Variants in PTPN13 observed in about 807,000 individuals in gnomAD.
PTPN13 encodes the protein protein tyrosine phosphatase non-receptor type 13, also known as tyrosine-protein phosphatase non-receptor type 13.
A neutral mutation model predicts 284.0 loss-of-function variants in PTPN13; 191 were observed. That is an observed-to-expected ratio of 0.67 (90% CI 0.60 to 0.76). PTPN13 has a LOEUF of 0.76. Ranked by LOEUF, PTPN13 falls within the 30% of genes least tolerant of loss-of-function variation. The pLI is 0.00. For missense variants in PTPN13, 2,797 were observed against 2,939.9 expected, an observed-to-expected ratio of 0.95 and a Z score of 1.12; for synonymous variants, 986 against 1,022.3, an observed-to-expected ratio of 0.96 and a Z score of 0.68.
At chr4:86,791,022 G>A (rs1286943160) in intron 40 of PTPN13, among the ~76,000 whole-genome samples, 1 of 152,098 alleles carries the variant, frequency 6.6e-6, no homozygotes, top group Non-Finnish European at 1.5e-5. Context: ...CAGAGGGTGG[G>A]CTGAAGCAGG....
At chr4:86,663,321 T>G (rs930168372) in intron 2 of PTPN13, among the ~76,000 whole-genome samples, 2 of 151,768 alleles carry the variant, frequency 1.3e-5, no homozygotes, top group Non-Finnish European at 1.5e-5. Flanking sequence ...CATGGGGGGG[T>G]TTGCACTGTT....
intron 1 of PTPN13, among the ~76,000 whole-genome samples, chr4:86,613,800 AG>A (rs1720226275): frequency 6.6e-6 from 1 of 152,140 alleles, no homozygotes; most frequent in Non-Finnish European, 1.5e-5. Context: ...TCTTTTTGTT[AG>A]GAAGGAAAAT....
At chr4:86,711,493 C>T (rs890378661) in intron 7 of PTPN13, among the ~76,000 whole-genome samples, 7 of 152,028 alleles carry the variant, frequency 4.6e-5, no homozygotes, top group Non-Finnish European at 1.0e-4. Context: ...TGGTGATGTA[C>T]TAAGGCTGAT....
At chr4:86,746,160 G>A (rs1233447074) in intron 17 of PTPN13, among the ~76,000 whole-genome samples, 3 of 152,112 alleles carry the variant, frequency 2.0e-5, no homozygotes, top group Non-Finnish European at 4.4e-5. Flanking sequence ...TTGAAAAGGA[G>A]CCAGCAGAAG....
At chr4:86,681,015 A>G (rs1728840921) in intron 3 of PTPN13, among the ~76,000 whole-genome samples, 1 of 152,074 alleles carries the variant, frequency 6.6e-6, no homozygotes, top group African/African-American at 2.4e-5. Flanking sequence ...CAAAGAAAAG[A>G]TGATGATTTT....
At chr4:86,800,341 A>AT (rs374508024) in intron 42 of PTPN13, among the ~76,000 whole-genome samples, 1,473 of 141,800 alleles carry the variant, frequency 0.01, 18 homozygotes, top group African/African-American at 0.029. Context: ...AGCAAAGTCT[A>AT]TTTTTTTTTT....
chr4:86,649,167 G>A (rs1724796362), intron 2 of PTPN13, among the ~76,000 whole-genome samples: 1 of 151,968 alleles, frequency 6.6e-6, no homozygotes, highest in Admixed American at 6.6e-5. Flanking sequence ...CCCATTCTGT[G>A]GGTTGTCTTT....
chr4:86,776,099 C>G (rs952335166), intron 35 of PTPN13, among the ~76,000 whole-genome samples: 1 of 152,186 alleles, frequency 6.6e-6, no homozygotes, highest in Non-Finnish European at 1.5e-5. Context: ...GCACCCGCCA[C>G]CACGCCAGGC....
intron 40 of PTPN13, among the ~76,000 whole-genome samples, chr4:86,789,294 T>G (rs532967477): frequency 2.7e-4 from 41 of 152,310 alleles, no homozygotes; most frequent in African/African-American, 9.6e-4. Context: ...TCTTCTTATG[T>G]AGTGTTTTTA....
chr4:86,642,409 C>G (rs2148763065), intron 2 of PTPN13, among the ~76,000 whole-genome samples: 1 of 147,068 alleles, frequency 6.8e-6, no homozygotes, highest in African/African-American at 2.5e-5. Flanking sequence ...AGTTGTATGC[C>G]TTTCAGTTCA....
At chr4:86,682,674 CA>C (rs1729028747) in intron 3 of PTPN13, among the ~76,000 whole-genome samples, 1 of 152,042 alleles carries the variant, frequency 6.6e-6, no homozygotes, top group South Asian at 2.1e-4. Context: ...ATTTATTAAC[CA>C]GATGAACTAA....
In PTPN13 at chr4:86,701,601, G is replaced by T. The variant is rs754378706; in HGVS notation, c.995G>T (p.Arg332Leu). Residue 332 changes from arginine (R) to leucine (L), a missense_variant, in exon 7 of 48, where the codon CGG (arginine) becomes CTG (leucine). Transcript: ENST00000411767. Reference sequence around the variant, plus strand: ...TGTCACCCTGAGGCAGTAACAGTGCGGACTTCAACTACTCCTAGAAAAAAG... The same window carrying T: ...TGTCACCCTGAGGCAGTAACAGTGCTGACTTCAACTACTCCTAGAAAAAAG... ...RRCHPEAVTVRTSTTPRKKEA... is the reference protein window; with the variant it reads ...RRCHPEAVTVLTSTTPRKKEA... The T allele has an allele frequency of 3.7e-6, 6 of 1,613,732 alleles. No individual in the cohort carries two copies. The highest frequency in any genetic ancestry group is 1.3e-5 in the African/African-American group (1 of 74,878).
In PTPN13 at chr4:86,811,048, T is replaced by C. The variant is rs1745165663; in HGVS notation, c.7302T>C (p.Phe2434=). The change falls in exon 47 of 48, where the codon TTT becomes TTC. Residue 2434 remains phenylalanine, a splice_region_variant and synonymous_variant. Transcript: ENST00000411767. ...ACATATGTGGTTTCCTCTGACAGTT[T>C]GACATCTCTGATTTGGTGCGCTGCA... is the stretch of plus-strand genomic sequence containing the variant. ...VLGLISQDLD[F]DISDLVRCMR... The C allele has an allele frequency of 1.9e-6, 3 of 1,613,172 alleles. No homozygotes were observed. In the African/African-American group the frequency reaches 4.0e-5, roughly 21 times the overall value.
Position 86,701,283 on chromosome 4 carries a change from C to T in PTPN13, c.677C>T (p.Pro226Leu). 2 of 1,603,354 alleles carry T rather than the reference C, an allele frequency of 1.2e-6. No homozygotes were observed. The highest frequency in any genetic ancestry group is 1.7e-6 in the Non-Finnish European group (2 of 1,175,700). ...TSDVLDIQKP[P>L]LSHQTFLNKG... ...GATGTACTAGACATACAAAAGCCTC[C>T]ACTCTCTCATCAGACCTTTCTTAAC... Residue 226 changes from proline (P) to leucine (L), a missense_variant, in exon 7 of 48, where the codon CCA becomes CTA. Transcript: ENST00000411767.
intron 47 of PTPN13, among the ~76,000 whole-genome samples, chr4:86,811,676 G>A (rs923108500): frequency 2.6e-5 from 4 of 152,270 alleles, no homozygotes; most frequent in African/African-American, 2.4e-5. Context: ...AGGGAGTGCC[G>A]TATTTAGAGT....
intron 7 of PTPN13, among the ~76,000 whole-genome samples, chr4:86,710,481 T>A (rs1262789198): frequency 6.6e-6 from 1 of 152,226 alleles, no homozygotes; most frequent in Admixed American, 6.5e-5. Context: ...GACTTTAATG[T>A]TTCATTTGAA....
intron 1 of PTPN13, among the ~76,000 whole-genome samples, chr4:86,628,785 G>C (rs1243224226): frequency 1.4e-5 from 2 of 147,334 alleles, no homozygotes; most frequent in Non-Finnish European, 3.0e-5. Flanking sequence ...AGTTTACTGA[G>C]AATGATGGTT....
At chr4:86,595,857 T>A (rs1267690158) in intron 1 of PTPN13, 11 of 564,472 alleles carry the variant, frequency 1.9e-5, no homozygotes, top group African/African-American at 2.1e-5. Context: ...GGGGGGGGAG[T>A]AAAAGTGCAT....
Position 86,672,394 on chromosome 4 carries a change from T to C in PTPN13, c.145T>C (p.Phe49Leu), listed in dbSNP as rs1727811625. 6 of 1,554,990 alleles carry C rather than the reference T, an allele frequency of 3.9e-6. No homozygotes were observed. The highest frequency in any genetic ancestry group is 2.0e-5 in the Admixed American group (1 of 51,206). The change falls in exon 3 of 48, where the codon TTC becomes CTC. Residue 49 changes from phenylalanine to leucine, a missense_variant. By Grantham distance (22) the Phe-to-Leu change is conservative. Coordinates refer to ENST00000411767, the MANE Select transcript of PTPN13 (RefSeq NM_080683.3). ...VSLADPAALGFIISPWSLLLL... is the reference protein window; with the variant it reads ...VSLADPAALGLIISPWSLLLL... ...CCTAGCTGATCCTGCTGCCCTTGGC[T>C]TCATCATTTCTCCATGGTCTCTGCT... is the stretch of plus-strand genomic sequence containing the variant.
Sources: allele counts gnomAD v4.1 joint callset (sites outside exome capture counted in the v4.1 genomes callset), GRCh38; gene constraint gnomAD v4.1.1; transcripts MANE v1.5; gene names NCBI Gene and HGNC (gene_info 2026-07-23, HGNC 2026-07-21).